Variants in AK4 observed in about 807,000 individuals in gnomAD.
AK4 encodes the protein adenylate kinase 4, also known as adenylate kinase 4, mitochondrial.
In AK4, 13 loss-of-function variants were observed where a neutral mutation model predicts 24.6. The observed-to-expected ratio is 0.53, with a 90% confidence interval of 0.34 to 0.84. The LOEUF (loss-of-function observed/expected upper bound fraction) is 0.84, where lower values mean the gene tolerates loss of function less well. Among genes scored for constraint, AK4 ranks in the 40% least tolerant of loss-of-function variants. The pLI, the probability that AK4 is intolerant of heterozygous loss-of-function variation, is 0.01. For synonymous variants in AK4, 88 were observed against 107.0 expected (o/e 0.82, Z 1.10); for missense variants, 192 against 288.2 (o/e 0.67, Z 2.42).
chr1:65,147,735 G>T, upstream of AK4: 1 of 152,220 alleles, frequency 6.6e-6, no homozygotes, highest in South Asian at 2.1e-4. Context: ...CCCATGGCCG[G>T]GGAGCGCATC....
intron 1 of AK4, among the ~76,000 whole-genome samples, chr1:65,180,811 CAGG>C (rs1650878499): frequency 3.3e-5 from 5 of 152,076 alleles, no homozygotes; most frequent in Admixed American, 2.0e-4. Flanking sequence ...TGTGTGTGCG[CAGG>C]TGCGCACACA....
chr1:65,200,201 C>T lies in AK4; in HGVS notation c.265+9372C>T, dbSNP rs570722065. Among the ~76,000 whole-genome samples the T allele has an allele frequency of 2.2e-4, 34 of 152,226 alleles. 1 individual carries two copies. Among genetic ancestry groups the T allele is most frequent in the African/African-American group, 6.3e-4 (26 of 41,514 alleles). ...CGATCTTGGCTCACTGCAACCTCTG[C>T]GTCACGGGCTCCGGTGATTCTCCTG... On this transcript the variant is annotated intron_variant, in intron 2 of 4. Coordinates refer to ENST00000327299, the MANE Select transcript of AK4 (RefSeq NM_013410.4).
chr1:65,225,533 A>G (rs1207706889), intron 4 of AK4, among the ~76,000 whole-genome samples: 1 of 152,184 alleles, frequency 6.6e-6, no homozygotes, highest in Non-Finnish European at 1.5e-5. Context: ...TATTGGCAAC[A>G]TATTTAAATT....
Position 65,155,917 on chromosome 1 carries a change from G to A in AK4, c.145+7365G>A, listed in dbSNP as rs377191400. ...ACTCCTGACCTCAAGTGATCTGCCC[G>A]CCTTGGCTTCCCAAAGTGCTGGGAT... On this transcript the variant is annotated intron_variant, in intron 1 of 4. Coordinates refer to ENST00000327299, the MANE Select transcript of AK4 (RefSeq NM_013410.4). Among the ~76,000 whole-genome samples the A allele has an allele frequency of 1.1e-3, 173 of 152,214 alleles. 5 individuals carry two copies. The South Asian group carries it at 0.034, about 30-fold the overall frequency.
intron 1 of AK4, among the ~76,000 whole-genome samples, chr1:65,181,761 G>C (rs1352634464): frequency 6.6e-6 from 1 of 152,154 alleles, no homozygotes; most frequent in Non-Finnish European, 1.5e-5. Context: ...ATAACTTGAC[G>C]TTGTTTTGAT....
intron 2 of AK4, among the ~76,000 whole-genome samples, chr1:65,197,662 G>A (rs1651521694): frequency 6.6e-6 from 1 of 152,178 alleles, no homozygotes; most frequent in African/African-American, 2.4e-5. Context: ...AGATGTTCCT[G>A]GCTACGCACT....
chr1:65,150,963 T>C (rs1029997327), intron 1 of AK4, among the ~76,000 whole-genome samples: 2 of 151,430 alleles, frequency 1.3e-5, no homozygotes, highest in East Asian at 1.9e-4. Context: ...GCACATAACT[T>C]TTTTTTTTTG....
intron 2 of AK4, among the ~76,000 whole-genome samples, chr1:65,191,973 A>G (rs982805278): frequency 6.6e-6 from 1 of 152,190 alleles, no homozygotes; most frequent in African/African-American, 2.4e-5. Flanking sequence ...GGCTGATGTT[A>G]GGTACTACAG....
chr1:65,175,286 AG>A (rs1172460363), intron 1 of AK4, among the ~76,000 whole-genome samples: 1 of 152,102 alleles, frequency 6.6e-6, no homozygotes, highest in Admixed American at 6.5e-5. Flanking sequence ...TCCCTTCCGG[AG>A]GTTGCTGAGC....
intron 1 of AK4, among the ~76,000 whole-genome samples, chr1:65,172,894 G>T (rs1380442751): frequency 8.3e-6 from 1 of 120,482 alleles, no homozygotes; most frequent in Admixed American, 1.2e-4. Context: ...ACGAACTCTC[G>T]CTCTGTTGCC....
intron 1 of AK4, among the ~76,000 whole-genome samples, chr1:65,185,497 A>G (rs181346678): frequency 1.3e-5 from 2 of 152,146 alleles, no homozygotes; most frequent in Non-Finnish European, 2.9e-5. Flanking sequence ...AAAGGGCCCC[A>G]CATCTCTGCA....
chr1:65,224,028 A>G (rs999048970), intron 3 of AK4, among the ~76,000 whole-genome samples: 3 of 152,228 alleles, frequency 2.0e-5, no homozygotes, highest in Non-Finnish European at 2.9e-5. Context: ...ACCTGTATTA[A>G]TCAGAACTAG....
chr1:65,159,145 A>T (rs1282478779), intron 1 of AK4, among the ~76,000 whole-genome samples: 1 of 152,210 alleles, frequency 6.6e-6, no homozygotes, highest in Admixed American at 6.6e-5. Context: ...CTATTTTCTG[A>T]TCTTCAGCAC....
At chr1:65,156,628 AAATT>A (rs543456593) in intron 1 of AK4, among the ~76,000 whole-genome samples, 1 of 152,276 alleles carries the variant, frequency 6.6e-6, no homozygotes, top group South Asian at 2.1e-4. Flanking sequence ...TTTGAAATTA[AAATT>A]TAGAAAATTT....
chr1:65,170,447 G>T (rs1650477687), intron 1 of AK4, among the ~76,000 whole-genome samples: 1 of 152,200 alleles, frequency 6.6e-6, no homozygotes. Flanking sequence ...CTGTTAAATG[G>T]TGCTTTGAAT....
At chr1:65,209,175 G>C (rs942142825) in intron 2 of AK4, among the ~76,000 whole-genome samples, 2 of 152,216 alleles carry the variant, frequency 1.3e-5, no homozygotes, top group African/African-American at 4.8e-5. Flanking sequence ...GTCTGGTGTG[G>C]AAGCATGATA....
At chr1:65,152,848 T>G (rs1649847336) in intron 1 of AK4, among the ~76,000 whole-genome samples, 1 of 152,140 alleles carries the variant, frequency 6.6e-6, no homozygotes. Context: ...AGTATAAATG[T>G]GTGTCTTATG....
rs1277124578 is a variant in AK4 at position 65,232,120 on chromosome 1, GT to G, written c.*5950del. 6.6e-6 allele frequency: 1 copy of G among 152,098 alleles called. No homozygotes were observed. The highest frequency in any genetic ancestry group is 2.4e-5 in the African/African-American group (1 of 41,404). 9.4% of individuals were successfully genotyped at this position (152,098 alleles called of 1,614,324 possible). On this transcript the variant is annotated 3_prime_UTR_variant, in exon 5 of 5. Transcript: ENST00000327299. ...TACTTTTCAATTTGATAGAAATAAA[GT>G]TTTTTTCTGCTTATAGCTAGCGAAT...
intron 1 of AK4, among the ~76,000 whole-genome samples, chr1:65,184,120 A>C (rs1420837907): frequency 6.6e-6 from 1 of 152,230 alleles, no homozygotes; most frequent in Non-Finnish European, 1.5e-5. Context: ...TATATTTCTC[A>C]AGGTTACCAA....
Sources: allele counts gnomAD v4.1 joint callset (sites outside exome capture counted in the v4.1 genomes callset), GRCh38; gene constraint gnomAD v4.1.1; transcripts MANE v1.5; gene names NCBI Gene and HGNC (gene_info 2026-07-23, HGNC 2026-07-21).